CCL26: variants seen among roughly 807,000 people sequenced by gnomAD.
CCL26 encodes C-C motif chemokine ligand 26.
In CCL26, 10 loss-of-function variants were observed where a neutral mutation model predicts 10.7. The ratio of observed to expected loss-of-function variants is 0.93; its 90% confidence interval spans 0.57 to 1.58. The LOEUF is 1.58. CCL26 is among the 40% of genes most tolerant of loss of function. The probability of loss-of-function intolerance (pLI) is 0.00; values close to 1 mark genes in which losing one functional copy is unlikely to be tolerated. For missense variants in CCL26, 116 were observed against 111.0 expected, an observed-to-expected ratio of 1.05 and a Z score of -0.20; for synonymous variants, 43 against 41.4, an observed-to-expected ratio of 1.04 and a Z score of -0.15.
At chr7:75,771,286 A>G (rs1802814617) in intron 2 of CCL26, among the ~76,000 whole-genome samples, 1 of 152,180 alleles carries the variant, frequency 6.6e-6, no homozygotes, top group Non-Finnish European at 1.5e-5. Context: ...TGCAACCATC[A>G]CCACAATCAA....
Position 75,787,505 on chromosome 7 carries a change from C to T in CCL26, c.-79+2212G>A, listed in dbSNP as rs562548987. On this transcript the variant is annotated intron_variant, in intron 1 of 3. Coordinates refer to the CCL26 transcript ENST00000394905. ...TAAAAATACAAAAAAATTAGCCAAG[C>T]GTGGTGGCAGGCACCTGTAGTCCCA... 2.4e-4 allele frequency among the ~76,000 whole-genome samples: 37 copies of T among 151,872 alleles called. No homozygotes were observed. In the East Asian group the frequency reaches 6.4e-3, roughly 26 times the overall value.
intron 1 of CCL26, among the ~76,000 whole-genome samples, chr7:75,778,093 C>T (rs1802981787): frequency 6.6e-6 from 1 of 152,152 alleles, no homozygotes; most frequent in Non-Finnish European, 1.5e-5. Context: ...ACTCCTATTG[C>T]CTATTTGAAC....
At chr7:75,784,321 A>G (rs1803133348) in intron 1 of CCL26, among the ~76,000 whole-genome samples, 1 of 151,942 alleles carries the variant, frequency 6.6e-6, no homozygotes. Context: ...CCCAGCAGCC[A>G]CTCCCAGAGC....
At chr7:75,770,825 G>A (rs11465342) in intron 2 of CCL26, among the ~76,000 whole-genome samples, 1 of 152,094 alleles carries the variant, frequency 6.6e-6, no homozygotes, top group East Asian at 1.9e-4. Context: ...ACAGGCCTGC[G>A]CCACCTCACC....
chr7:75,788,034 T>A (rs1386220796), intron 1 of CCL26, among the ~76,000 whole-genome samples: 1 of 152,046 alleles, frequency 6.6e-6, no homozygotes, highest in African/African-American at 2.4e-5. Flanking sequence ...ATGCCGCCCC[T>A]AATCCTTCTC....
chr7:75,776,582 AAGAAGGAAAGC>A (rs1554528762), upstream of CCL26, among the ~76,000 whole-genome samples: 3 of 144,158 alleles, frequency 2.1e-5, no homozygotes, highest in African/African-American at 4.9e-5. Context: ...GGAAGGAAGG[AAGAAGGAAAGC>A]AAGCAAGAAA....
upstream of CCL26, chr7:75,772,367 T>A (rs1802843783): frequency 1.7e-6 from 1 of 586,730 alleles, no homozygotes. Flanking sequence ...TGAAGAAAGA[T>A]AATCTGGCAC....
intron 1 of CCL26, among the ~76,000 whole-genome samples, chr7:75,787,252 C>A (rs528385412): frequency 2.6e-5 from 4 of 152,242 alleles, no homozygotes; most frequent in South Asian, 4.1e-4. Flanking sequence ...TCAAATCACC[C>A]AAGCAGTTTC....
chr7:75,769,810 T>A, intron 2 of CCL26, 21 bp from the exon 3 acceptor site: 1 of 1,451,908 alleles, frequency 6.9e-7, no homozygotes, highest in Non-Finnish European at 9.7e-7. Context: ...GAGACACGGA[T>A]AAGTCAATAT....
upstream of CCL26, among the ~76,000 whole-genome samples, chr7:75,774,956 A>G (rs1220247067): frequency 6.6e-6 from 1 of 151,804 alleles, no homozygotes; most frequent in Non-Finnish European, 1.5e-5. Context: ...CCGGTGGCTC[A>G]CCCCTGTAAT....
upstream of CCL26, among the ~76,000 whole-genome samples, chr7:75,774,222 T>C (rs1398660319): frequency 6.6e-6 from 1 of 152,204 alleles, no homozygotes; most frequent in African/African-American, 2.4e-5. Context: ...CAATCTCGGC[T>C]CACTGCAACC....
intron 1 of CCL26, among the ~76,000 whole-genome samples, chr7:75,780,791 G>A (rs1336144922): frequency 1.3e-5 from 2 of 151,928 alleles, no homozygotes. Flanking sequence ...CTCCTCCACA[G>A]GCTGCTCGTT....
At chr7:75,787,955 C>G (rs782492637) in intron 1 of CCL26, among the ~76,000 whole-genome samples, 2 of 152,034 alleles carry the variant, frequency 1.3e-5, no homozygotes, top group Non-Finnish European at 2.9e-5. Flanking sequence ...CTCTTTTTAA[C>G]AACCCCACAA....
chr7:75,777,471 G>T (rs975623047), intron 1 of CCL26, among the ~76,000 whole-genome samples: 14 of 152,058 alleles, frequency 9.2e-5, no homozygotes, highest in Admixed American at 2.0e-4. Context: ...ATATAAGCCA[G>T]GTGTAGTGGC....
chr7:75,775,382 C>T (rs1802915369), upstream of CCL26, among the ~76,000 whole-genome samples: 1 of 152,118 alleles, frequency 6.6e-6, no homozygotes, highest in Non-Finnish European at 1.5e-5. Flanking sequence ...TATTTCAGTT[C>T]CTCCAGCAGG....
upstream of CCL26, among the ~76,000 whole-genome samples, chr7:75,775,151 A>C (rs751757731): frequency 1.3e-5 from 2 of 151,750 alleles, no homozygotes; most frequent in Admixed American, 6.6e-5. Context: ...ACCGGGAGGC[A>C]GAGGTTGCAG....
At chr7:75,785,775 A>G (rs1417654527) in intron 1 of CCL26, among the ~76,000 whole-genome samples, 3 of 152,040 alleles carry the variant, frequency 2.0e-5, no homozygotes, top group Non-Finnish European at 2.9e-5. Flanking sequence ...AGCTTTAGAG[A>G]CTGCCCCCAC....
At chr7:75,787,311 A>G (rs942437406) in intron 1 of CCL26, among the ~76,000 whole-genome samples, 5 of 152,010 alleles carry the variant, frequency 3.3e-5, no homozygotes, top group South Asian at 2.1e-4. Context: ...ACCATCCTCA[A>G]TCTTCAGGAA....
At chr7:75,780,891 G>C (rs1225485509) in intron 1 of CCL26, among the ~76,000 whole-genome samples, 1 of 151,944 alleles carries the variant, frequency 6.6e-6, no homozygotes, top group African/African-American at 2.4e-5. Context: ...CACCCCGTCC[G>C]GCTTACAGTT....
Sources: allele counts gnomAD v4.1 joint callset (sites outside exome capture counted in the v4.1 genomes callset), GRCh38; gene constraint gnomAD v4.1.1; transcripts MANE v1.5; gene names NCBI Gene and HGNC (gene_info 2026-07-23, HGNC 2026-07-21).